XKR5: variants seen among roughly 807,000 people sequenced by gnomAD.
XKR5 encodes XK related 5.
XKR5 carries 46 observed loss-of-function variants against 40.8 expected under a neutral mutation model. The ratio of observed to expected loss-of-function variants is 1.13; its 90% confidence interval spans 0.89 to 1.44. The LOEUF (loss-of-function observed/expected upper bound fraction) is 1.44, where lower values mean the gene tolerates loss of function less well. Among genes scored for constraint, XKR5 ranks in the 40% most tolerant of loss-of-function variants. The pLI is 0.00. For missense variants in XKR5, 1,169 were observed against 844.7 expected, an observed-to-expected ratio of 1.38 and a Z score of -4.76; for synonymous variants, 466 against 356.1, an observed-to-expected ratio of 1.31 and a Z score of -3.48.
chr8:6,823,477 T>C, intron 4 of XKR5, 44 bp downstream of exon 4: 4 of 1,544,538 alleles, frequency 2.6e-6, no homozygotes, highest in Non-Finnish European at 3.5e-6. Flanking sequence ...TCTGGGTTGA[T>C]TGGTTATGCA....
chr8:6,830,521 T>C (rs1330657115), intron 2 of XKR5, among the ~76,000 whole-genome samples: 2 of 152,348 alleles, frequency 1.3e-5, no homozygotes, highest in South Asian at 2.1e-4. Flanking sequence ...CTGGCTGTTA[T>C]AAACCTTAGG....
At chr8:6,826,746 C>A (rs1326871385) in intron 2 of XKR5, among the ~76,000 whole-genome samples, 1 of 151,968 alleles carries the variant, frequency 6.6e-6, no homozygotes, top group Non-Finnish European at 1.5e-5. Context: ...CAGCATAGAC[C>A]AAGGACAGCA....
intron 2 of XKR5, among the ~76,000 whole-genome samples, chr8:6,830,769 T>C (rs1354736516): frequency 3.1e-4 from 47 of 152,256 alleles, no homozygotes; most frequent in Non-Finnish European, 2.9e-5. Context: ...ATGATTTCAC[T>C]AGTATATACC....
At chr8:6,832,657 A>T in intron 2 of XKR5, 60 bp downstream of exon 2, 5 of 1,587,744 alleles carry the variant, frequency 3.1e-6, no homozygotes, top group Non-Finnish European at 8.6e-7. Context: ...TGGAGAGAAG[A>T]TTCCTCTCAC....
chr8:6,825,544 C>A (rs749634936), intron 2 of XKR5, among the ~76,000 whole-genome samples, 195 bp from the exon 3 acceptor site: 4 of 151,550 alleles, frequency 2.6e-5, no homozygotes, highest in African/African-American at 9.7e-5. Flanking sequence ...TTCCCCGAGT[C>A]CTGTGGTGCT....
chr8:6,819,177 A>C (rs1215425614), intron 5 of XKR5, among the ~76,000 whole-genome samples: 1 of 152,234 alleles, frequency 6.6e-6, no homozygotes, highest in Non-Finnish European at 1.5e-5. Context: ...ACGCTGCCCA[A>C]GTCTGGGGCT....
intron 2 of XKR5, among the ~76,000 whole-genome samples, chr8:6,829,877 A>G (rs1804679640): frequency 9.0e-6 from 1 of 110,974 alleles, no homozygotes; most frequent in South Asian, 3.0e-4. Flanking sequence ...TCGCTCTGTC[A>G]CCCAAGCTGG....
chr8:6,812,526 C>T (rs942791650), intron 6 of XKR5, among the ~76,000 whole-genome samples, 187 bp from the exon 7 acceptor site: 1 of 152,182 alleles, frequency 6.6e-6, no homozygotes, highest in Non-Finnish European at 1.5e-5. Flanking sequence ...CTTCTGTAAG[C>T]TGTAAATGTT....
At position 6,811,043 on chromosome 8, in the gene XKR5, C is replaced by G. The variant is rs1452272521; in HGVS notation, c.*155G>C. 3.0e-6 allele frequency: 2 copies of G among 662,512 alleles called. No homozygotes were observed. The highest frequency in any genetic ancestry group is 4.4e-6 in the Non-Finnish European group (2 of 456,214). The allele number at this position is 662,512 out of a possible 1,614,324, so 41.0% of individuals were successfully genotyped here. The stretch of plus-strand genomic sequence containing the variant: ...CATTGGACCTGCAAAATCATCCAGC[C>G]CTGTTTCTTCATTTTTCAGGGATGC... On this transcript the variant is annotated 3_prime_UTR_variant, in exon 7 of 7. Transcript: ENST00000618742.
At chr8:6,832,553 C>T (rs180851692) in intron 2 of XKR5, among the ~76,000 whole-genome samples, 164 bp downstream of exon 2, 1 of 151,642 alleles carries the variant, frequency 6.6e-6, no homozygotes, top group African/African-American at 2.4e-5. Context: ...CAGGCTGGAC[C>T]CGGGCATGCC....
intron 2 of XKR5, among the ~76,000 whole-genome samples, chr8:6,828,186 A>T (rs1804605728): frequency 6.6e-6 from 1 of 152,246 alleles, no homozygotes; most frequent in Non-Finnish European, 1.5e-5. Flanking sequence ...TATAAGTATC[A>T]ACATGAGTGG....
intron 6 of XKR5, among the ~76,000 whole-genome samples, chr8:6,812,733 G>A (rs1803793623): frequency 6.6e-6 from 1 of 152,182 alleles, no homozygotes; most frequent in Non-Finnish European, 1.5e-5. Flanking sequence ...ACCATACACT[G>A]CAAATTCGAC....
chr8:6,832,665 C>G, intron 2 of XKR5, 52 bp downstream of exon 2: 2 of 1,598,554 alleles, frequency 1.3e-6, no homozygotes, highest in Non-Finnish European at 1.7e-6. Flanking sequence ...AGATTCCTCT[C>G]ACTGCACTTG....
chr8:6,824,722 G>T (rs918811582), intron 3 of XKR5, among the ~76,000 whole-genome samples: 1 of 148,274 alleles, frequency 6.7e-6, no homozygotes, highest in African/African-American at 2.5e-5. Context: ...GGTAGAGATG[G>T]GTTTTTGCCT....
chr8:6,812,247 C>T lies in XKR5; in HGVS notation c.1012G>A (p.Gly338Arg). 1 of 1,553,006 alleles carries T rather than the reference C, an allele frequency of 6.4e-7. No individual in the cohort carries two copies. ...GCLRKSCGIA[G>R]GDKTERRDSP... ...TCTCTTCTCTCTGTTTTATCACCTC[C>T]TGCAATGCCACAGGACTTCCTTAGG... Residue 338 changes from glycine to arginine, a missense_variant, in exon 7 of 7, where the codon GGA becomes AGA. Transcript: ENST00000618742.
At chr8:6,825,478 T>G (rs1162270734) in intron 2 of XKR5, 129 bp from the exon 3 acceptor site, 2 of 833,426 alleles carry the variant, frequency 2.4e-6, no homozygotes, top group Non-Finnish European at 3.4e-6. Context: ...CTAGAGTTAC[T>G]AGTTAGGCTG....
intron 2 of XKR5, among the ~76,000 whole-genome samples, chr8:6,827,561 G>T (rs1804567263): frequency 6.6e-6 from 1 of 152,148 alleles, no homozygotes; most frequent in African/African-American, 2.4e-5. Flanking sequence ...TTGGAATCCT[G>T]GAGTGAACCC....
chr8:6,816,713 T>C (rs1803975176), intron 5 of XKR5, among the ~76,000 whole-genome samples: 1 of 147,594 alleles, frequency 6.8e-6, no homozygotes, highest in Admixed American at 6.8e-5. Flanking sequence ...TTTTATTTAA[T>C]TAAAATATAA....
rs571675163 is a variant in XKR5, at chr8:6,830,013, A to T, written c.242+2704T>A. On this transcript the variant is annotated intron_variant, in intron 2 of 6. Coordinates refer to ENST00000618742, the MANE Select transcript of XKR5 (RefSeq NM_207411.5). ...CCACCACGCCCGGCTAATTTTTTGT[A>T]TTTTTAGTAGAGACGGGGTTTCACC... 5.0e-3 allele frequency among the ~76,000 whole-genome samples: 749 copies of T among 151,092 alleles called. 1 individual carries two copies. The highest frequency in any genetic ancestry group is 0.017 in the African/African-American group (701 of 41,132).
Sources: gnomAD v4.1 joint callset for allele counts (sites outside exome capture counted in the v4.1 genomes callset) on GRCh38, gnomAD v4.1.1 for gene constraint, MANE v1.5 for transcripts, NCBI Gene and HGNC (gene_info 2026-07-23, HGNC 2026-07-21) for gene names.